Variants in LMTK3 observed in about 807,000 individuals in gnomAD.
LMTK3 encodes the protein lemur tail kinase 3.
LMTK3 carries 27 observed loss-of-function variants against 116.7 expected under a neutral mutation model. The ratio of observed to expected loss-of-function variants is 0.23; its 90% CI spans 0.17 to 0.32. The LOEUF (loss-of-function observed/expected upper bound fraction) is 0.32, where lower values mean the gene tolerates loss of function less well. Ranked by LOEUF, LMTK3 falls within the 10% of genes least tolerant of loss-of-function variation. The pLI is 1.00. For missense variants in LMTK3, 1,764 were observed against 2,068.5 expected, an observed-to-expected ratio of 0.85 and a Z score of 2.86; for synonymous variants, 965 against 971.0, an observed-to-expected ratio of 0.99 and a Z score of 0.11.
intron 5 of LMTK3, among the ~76,000 whole-genome samples, chr19:48,505,369 C>T (rs1347504843): frequency 6.6e-6 from 1 of 152,020 alleles, no homozygotes; most frequent in Non-Finnish European, 1.5e-5. Context: ...CTGCCTGGGC[C>T]TCTCAAAGTA....
At chr19:48,502,277 C>T (rs1972484481) in intron 7 of LMTK3, among the ~76,000 whole-genome samples, 156 bp downstream of exon 7, 1 of 151,442 alleles carries the variant, frequency 6.6e-6, no homozygotes, top group South Asian at 2.1e-4. Flanking sequence ...GTCCCGCCTC[C>T]TCTCCTGGCC....
chr19:48,504,110 C>T (rs868220927), intron 5 of LMTK3, among the ~76,000 whole-genome samples: 12 of 152,154 alleles, frequency 7.9e-5, no homozygotes, highest in African/African-American at 1.4e-4. Flanking sequence ...TCCGGTGATA[C>T]GCCCGCCTCA....
chr19:48,510,924 T>G (rs1972647714), intron 1 of LMTK3, among the ~76,000 whole-genome samples: 1 of 152,170 alleles, frequency 6.6e-6, no homozygotes, highest in South Asian at 2.1e-4. Flanking sequence ...GCTTGCAGAA[T>G]TTAAAATACG....
intron 5 of LMTK3, among the ~76,000 whole-genome samples, 173 bp from the exon 6 acceptor site, chr19:48,503,169 T>C (rs1315475916): frequency 6.6e-6 from 1 of 152,344 alleles, no homozygotes; most frequent in East Asian, 1.9e-4. Flanking sequence ...TGCCTCAGCC[T>C]CCTGAGTAGC....
In LMTK3 at chr19:48,499,926, A is replaced by G. The variant is rs1310593243; in HGVS notation, c.1152-9T>C. On this transcript the variant is annotated splice_polypyrimidine_tract_variant and intron_variant, in intron 10 of 14. Transcript: ENST00000600059. ...ACTGAAGAATGTCATACCTGGGGAGAGGTGGGGCAGAGTGAGCAGGGCAGA... is the reference window on the plus strand; with the variant it reads ...ACTGAAGAATGTCATACCTGGGGAGGGGTGGGGCAGAGTGAGCAGGGCAGA... 4 of 1,577,208 alleles carry G rather than the reference A, an allele frequency of 2.5e-6. No homozygotes were observed. The highest frequency in any genetic ancestry group is 1.7e-6 in the Non-Finnish European group (2 of 1,163,954).
At chr19:48,496,423 C>T (rs978356000) in intron 11 of LMTK3, among the ~76,000 whole-genome samples, 2 of 152,052 alleles carry the variant, frequency 1.3e-5, no homozygotes, top group Non-Finnish European at 2.9e-5. Context: ...CTCAGCCTTC[C>T]GAGTAGCTGG....
Position 48,497,713 on chromosome 19 carries a change from G to T in LMTK3, c.3356C>A (p.Thr1119Lys). The change falls in exon 11 of 15, where the codon ACG (threonine) becomes AAG (lysine). Residue 1119 changes from threonine to lysine, a missense_variant. Thr to Lys is a moderately conservative substitution (Grantham distance 78, BLOSUM62 -1). Coordinates refer to ENST00000600059, the MANE Select transcript of LMTK3 (RefSeq NM_001388485.1). The surrounding 1 kb of genome is among the most constrained non-coding windows in gnomAD (Gnocchi z 5.7). ...LGSGGRAPVG[T>K]GTAPGGGPGS... ...GGGGCCGCCGCCGGGGGCCGTCCCC[G>T]TGCCCACTGGGGCTCGGCCCCCACT... is the stretch of plus-strand genomic sequence containing the variant. 7.5e-7 allele frequency: 1 copy of T among 1,328,062 alleles called. No homozygotes were observed. Among genetic ancestry groups the T allele is most frequent in the Non-Finnish European group, 9.6e-7 (1 of 1,043,728 alleles). 82.3% of individuals were successfully genotyped at this position (1,328,062 alleles called of 1,614,324 possible).
intron 5 of LMTK3, among the ~76,000 whole-genome samples, chr19:48,507,752 A>G (rs1972594711): frequency 1.3e-5 from 2 of 152,174 alleles, no homozygotes; most frequent in South Asian, 4.2e-4. Flanking sequence ...CCGGGACTAC[A>G]CGAGTATACC....
In LMTK3 at chr19:48,499,993, C is replaced by G. The variant is rs139784573; in HGVS notation, c.1152-76G>C. On this transcript the variant is annotated intron_variant, in intron 10 of 14. Transcript: ENST00000600059. ...AGAGACCCAGGGAGGGGACAGACAA[C>G]CAGAGAGAGGGGGACAGAGACCCAG... The G allele has an allele frequency of 5.7e-6, 8 of 1,401,322 alleles. No homozygotes were observed. In the African/African-American group the frequency reaches 9.0e-5, roughly 16 times the overall value. 86.8% of individuals were successfully genotyped at this position (1,401,322 alleles called of 1,614,324 possible). A position where few individuals can be genotyped will look rare whatever the true frequency, so the allele number is the denominator to read the frequency against.
rs141193575 is a variant in LMTK3, at chr19:48,486,047, C to CT, written c.4367-259dup. Among the ~76,000 whole-genome samples the CT allele has an allele frequency of 6.9e-3, 411 of 59,798 alleles. 54 individuals carry two copies. Among genetic ancestry groups the CT allele is most frequent in the East Asian group, 0.016 (42 of 2,562 alleles). 39.2% of individuals were successfully genotyped at this position (59,798 alleles called of 152,430 possible). On this transcript the variant is annotated intron_variant, in intron 14 of 14. Coordinates refer to ENST00000600059, the MANE Select transcript of LMTK3 (RefSeq NM_001388485.1). ...GTTCCCGCTGCCTGGAACATTCTTC[C>CT]TTTTTTTTTTTTTTTTTTTTTTTTT...
Position 48,499,659 on chromosome 19 carries a change from C to G in LMTK3, c.1410G>C (p.Glu470Asp). The change falls in exon 11 of 15, where the codon GAG (glutamate) becomes GAC (aspartate). Residue 470 changes from glutamate to aspartate, a missense_variant. Physicochemically the swap from Glu to Asp is conservative, Grantham distance 45. This residue lies in a region of LMTK3 where 16 missense variants were observed against 36.7 expected (regional missense o/e 0.44). Coordinates refer to ENST00000600059, the MANE Select transcript of LMTK3 (RefSeq NM_001388485.1). ...ACTCGAGGTTGAGGCCGCGGCTACT[C>G]TCGGTGACCGTGAGCACATCGTCGG... ...ADPDDVLTVTESSRGLNLECL... is the reference protein window; with the variant it reads ...ADPDDVLTVTDSSRGLNLECL... The G allele has an allele frequency of 6.5e-7, 1 of 1,539,866 alleles. No individual in the cohort carries two copies.
chr19:48,485,538 C>T lies in LMTK3; in HGVS notation c.*235G>A. 1 of 538,548 alleles carries T rather than the reference C, an allele frequency of 1.9e-6. No homozygotes were observed. The highest frequency in any genetic ancestry group is 2.0e-5 in the South Asian group (1 of 48,836). 33.4% of individuals were successfully genotyped at this position (538,548 alleles called of 1,614,324 possible). Reference sequence around the variant, plus strand: ...CTATGGAGGGGCGGGGGGATTCCTGCCTCATTTGGCTCCGAGGGGGTCAGG... The same window carrying T: ...CTATGGAGGGGCGGGGGGATTCCTGTCTCATTTGGCTCCGAGGGGGTCAGG... On this transcript the variant is annotated 3_prime_UTR_variant, in exon 15 of 15. Transcript: ENST00000600059.
Position 48,493,922 on chromosome 19 carries a change from G to GTCCTCC in LMTK3, c.3858_3863dup (p.Glu1286_Glu1287dup). On this transcript the variant is annotated inframe_insertion, in exon 12 of 15. Transcript: ENST00000600059. ...CCGCGCCCGGCGCCGCCGCCTCCTC[G>GTCCTCC]TCCTCCTCCTCGTCCTCGTCCTCGT... 1.9e-6 allele frequency: 2 copies of GTCCTCC among 1,030,598 alleles called. No individual in the cohort carries two copies. Among genetic ancestry groups the GTCCTCC allele is most frequent in the Non-Finnish European group, 2.3e-6 (2 of 863,350 alleles). 63.8% of individuals were successfully genotyped at this position (1,030,598 alleles called of 1,614,324 possible).
intron 5 of LMTK3, among the ~76,000 whole-genome samples, chr19:48,505,844 A>G (rs1388143760): frequency 1.3e-5 from 2 of 148,870 alleles, no homozygotes; most frequent in African/African-American, 5.0e-5. Flanking sequence ...CTGGGCAACA[A>G]GATTGAAACT....
At position 48,497,683 on chromosome 19, in the gene LMTK3, C is replaced by T. The variant is rs1410962419; in HGVS notation, c.3386G>A (p.Ser1129Asn). 3.0e-6 allele frequency: 4 copies of T among 1,315,104 alleles called. No individual in the cohort carries two copies. The highest frequency in any genetic ancestry group is 3.9e-6 in the Non-Finnish European group (4 of 1,036,252). 81.5% of individuals were successfully genotyped at this position (1,315,104 alleles called of 1,614,324 possible). A position where few individuals can be genotyped will look rare whatever the true frequency, so the allele number is the denominator to read the frequency against. Residue 1129 changes from serine to asparagine, a missense_variant, in exon 11 of 15, where the codon AGC becomes AAC. Physicochemically the swap from Ser to Asn is conservative, Grantham distance 46. Transcript: ENST00000600059. The surrounding 1 kb of genome is among the most constrained non-coding windows in gnomAD (Gnocchi z 5.7). ...TGTAPGGGPG[S>N]GVDAKAGWVD... Reference sequence around the variant, plus strand: ...CCATCCGGCCTTTGCGTCCACGCCGCTTCCGGGGCCGCCGCCGGGGGCCGT... The same window carrying T: ...CCATCCGGCCTTTGCGTCCACGCCGTTTCCGGGGCCGCCGCCGGGGGCCGT...
chr19:48,510,478 C>A lies in LMTK3; in HGVS notation c.191G>T (p.Arg64Leu). 1 of 1,597,154 alleles carries A rather than the reference C, an allele frequency of 6.3e-7. No individual in the cohort carries two copies. Among genetic ancestry groups the A allele is most frequent in the Non-Finnish European group, 8.5e-7 (1 of 1,172,104 alleles). Reference sequence around the variant, plus strand: ...CCTCACCTTGAAGCCGACATCGCCCCGTTTGCAGCACAGACAGGTGAGGAG... The same window carrying A: ...CCTCACCTTGAAGCCGACATCGCCCAGTTTGCAGCACAGACAGGTGAGGAG... ...FLLLTCLCCK[R>L]GDVGFKEFEN... The change falls in exon 2 of 15, where the codon CGG becomes CTG. Residue 64 changes from arginine to leucine, a missense_variant. Around this residue, in one of 7 missense-constraint regions of LMTK3, gnomAD observed 271 missense variants for 478.2 expected, o/e 0.57. Transcript: ENST00000600059.
intron 5 of LMTK3, among the ~76,000 whole-genome samples, chr19:48,504,992 C>T (rs970423411): frequency 6.6e-6 from 1 of 151,774 alleles, no homozygotes; most frequent in African/African-American, 2.4e-5. Context: ...CAAGTCAACC[C>T]GGCCTCCCTG....
intron 3 of LMTK3, 84 bp from the exon 4 acceptor site, chr19:48,509,597 GAC>G (rs1414593210): frequency 9.3e-7 from 1 of 1,077,446 alleles, no homozygotes; most frequent in Non-Finnish European, 1.3e-6. Flanking sequence ...TGGGGACTGA[GAC>G]AGAGCAGACA....
In LMTK3 at chr19:48,499,440, C is replaced by T. The variant is rs1171519946; in HGVS notation, c.1629G>A (p.Glu543=). The part of the protein sequence containing the change: ...SVSSEYYIRL[E]EHGSPPEPLF... ...GGGGCTCAGGAGGGGAGCCGTGCTC[C>T]TCCAAGCGGATGTAGTACTCGCTGC... is the stretch of plus-strand genomic sequence containing the variant. Residue 543 remains glutamate (E), a synonymous_variant, in exon 11 of 15, where the codon GAG becomes GAA. Transcript: ENST00000600059. 19 of 1,472,106 alleles carry T rather than the reference C, an allele frequency of 1.3e-5. No homozygotes were observed. Among genetic ancestry groups the T allele is most frequent in the Admixed American group, 2.7e-5 (1 of 37,078 alleles). 91.2% of individuals were successfully genotyped at this position (1,472,106 alleles called of 1,614,324 possible).
Sources: allele counts gnomAD v4.1 joint callset (sites outside exome capture counted in the v4.1 genomes callset), GRCh38; gene constraint gnomAD v4.1.1; regional missense constraint gnomAD v4.1.1; non-coding constraint Gnocchi (gnomAD v3.1); transcripts MANE v1.5; gene names NCBI Gene and HGNC (gene_info 2026-07-23, HGNC 2026-07-21).